IL1RAPL1: variants seen among roughly 807,000 people sequenced by gnomAD.
The protein encoded by IL1RAPL1 is interleukin-1 receptor accessory protein-like 1.
Under a neutral mutation model 48.4 loss-of-function variants are expected in IL1RAPL1, and 3 were observed. The ratio of observed to expected loss-of-function variants is 0.06; its 90% confidence interval spans 0.03 to 0.16. The LOEUF is 0.16. Among genes scored for constraint, IL1RAPL1 ranks in the 10% least tolerant of loss-of-function variants. The pLI, the probability that IL1RAPL1 is intolerant of heterozygous loss-of-function variation, is 1.00. For missense variants in IL1RAPL1, 349 were observed against 530.6 expected (o/e 0.66, Z 3.36); for synonymous variants, 185 against 187.7 (o/e 0.99, Z 0.12).
intron 2 of IL1RAPL1, among the ~76,000 whole-genome samples, chrX:29,080,994 T>TTCTTTCTCTCTCTCTC (rs1569232789): frequency 4.9e-4 from 13 of 26,427 alleles, no homozygotes; most frequent in East Asian, 1.4e-3. Flanking sequence ...CTTTCTTTCT[T>TTCTTTCTCTCTCTCTC]TCTCTCTCTC....
chrX:29,804,873 G>T (rs1048084778), intron 6 of IL1RAPL1, among the ~76,000 whole-genome samples: 12 of 111,720 alleles, frequency 1.1e-4, no homozygotes, highest in African/African-American at 3.9e-4. Flanking sequence ...GTCTCACCGA[G>T]GAACATGACC....
In IL1RAPL1 at chrX:28,782,219, T is replaced by G. The variant is rs765249641; in HGVS notation, c.-24-7101T>G. On this transcript the variant is annotated intron_variant, in intron 1 of 10. Transcript: ENST00000378993. ...ATGTGTATGTTGGAAATATGTTTGC[T>G]AATTTATATTTGACTTTTAACTTTC... 4.5e-5 allele frequency among the ~76,000 whole-genome samples: 5 copies of G among 111,828 alleles called. No individual in the cohort carries two copies. The East Asian group carries it at 1.4e-3, about 31-fold the overall frequency.
At chrX:29,169,121 C>T (rs1038581296) in intron 2 of IL1RAPL1, among the ~76,000 whole-genome samples, 4 of 108,394 alleles carry the variant, frequency 3.7e-5, no homozygotes, top group African/African-American at 1.3e-4. Context: ...CTGCAATAAA[C>T]ATGGGTGTGC....
chrX:29,803,350 T>C (rs1314781381), intron 6 of IL1RAPL1, among the ~76,000 whole-genome samples: 1 of 82,089 alleles, frequency 1.2e-5, no homozygotes, highest in Non-Finnish European at 2.3e-5. Context: ...TGTATATATG[T>C]ATACATGTAT....
chrX:28,650,997 A>T (rs911153780), intron 1 of IL1RAPL1, among the ~76,000 whole-genome samples: 1 of 112,178 alleles, frequency 8.9e-6, no homozygotes, highest in African/African-American at 3.2e-5. Context: ...ATAAGCGGAT[A>T]ATTCCATACT....
At chrX:29,012,291 C>A (rs1159155631) in intron 2 of IL1RAPL1, among the ~76,000 whole-genome samples, 2 of 112,123 alleles carry the variant, frequency 1.8e-5, no homozygotes, top group East Asian at 5.6e-4. Context: ...GCCTGTAATC[C>A]CAGCACTTTG....
intron 6 of IL1RAPL1, among the ~76,000 whole-genome samples, chrX:29,868,049 GA>G (rs1404421356): frequency 8.9e-6 from 1 of 112,165 alleles, no homozygotes; most frequent in Non-Finnish European, 1.9e-5. Flanking sequence ...GCCATGAATA[GA>G]GAGACAATTA....
At chrX:29,405,588 G>A (rs1209973087) in intron 5 of IL1RAPL1, among the ~76,000 whole-genome samples, 5 of 104,494 alleles carry the variant, frequency 4.8e-5, no homozygotes, top group Non-Finnish European at 9.6e-5. Context: ...GGATGGTCTC[G>A]ATCTCCTGAC....
At chrX:28,734,578 C>T (rs1258145426) in intron 1 of IL1RAPL1, among the ~76,000 whole-genome samples, 5 of 107,846 alleles carry the variant, frequency 4.6e-5, no homozygotes, top group African/African-American at 6.8e-5. Flanking sequence ...GTGGCTCTTC[C>T]TCTAGTTTTA....
At chrX:29,016,417 C>G (rs1379481419) in intron 2 of IL1RAPL1, among the ~76,000 whole-genome samples, 1 of 111,169 alleles carries the variant, frequency 9.0e-6, no homozygotes, top group East Asian at 2.8e-4. Flanking sequence ...ATCATATGGG[C>G]AAAAATATCA....
chrX:29,952,607 A>T (rs190508804), intron 9 of IL1RAPL1, among the ~76,000 whole-genome samples: 1 of 112,358 alleles, frequency 8.9e-6, no homozygotes, highest in African/African-American at 3.2e-5. Flanking sequence ...TTACTCAACT[A>T]AAGTGTTTAC....
intron 6 of IL1RAPL1, among the ~76,000 whole-genome samples, chrX:29,683,272 G>A (rs1345265392): frequency 8.9e-6 from 1 of 112,098 alleles, no homozygotes; most frequent in Middle Eastern, 4.6e-3. Context: ...ACAGACGACT[G>A]TCTACAAGGA....
intron 5 of IL1RAPL1, among the ~76,000 whole-genome samples, chrX:29,535,403 G>T (rs1377761235): frequency 9.0e-6 from 1 of 111,175 alleles, no homozygotes; most frequent in Admixed American, 9.5e-5. Flanking sequence ...GAAGATTTTT[G>T]TTGTCTACCC....
chrX:29,742,515 T>G (rs1928230632), intron 6 of IL1RAPL1, among the ~76,000 whole-genome samples: 1 of 109,937 alleles, frequency 9.1e-6, no homozygotes, highest in Non-Finnish European at 1.9e-5. Context: ...TGTTTTCTGC[T>G]GACTCTTTTC....
At chrX:29,641,153 A>G (rs909494713) in intron 5 of IL1RAPL1, among the ~76,000 whole-genome samples, 24 of 109,164 alleles carry the variant, frequency 2.2e-4, no homozygotes, top group Non-Finnish European at 3.8e-5. Context: ...CCTGGGCAAC[A>G]GAGTGAGACC....
intron 2 of IL1RAPL1, among the ~76,000 whole-genome samples, chrX:29,226,580 C>T (rs1165872512): frequency 3.7e-5 from 4 of 108,085 alleles, no homozygotes; most frequent in African/African-American, 1.0e-4. Flanking sequence ...TTACAGTGCC[C>T]GCCACCACAT....
chrX:28,626,077 G>A (rs777717975), intron 1 of IL1RAPL1, among the ~76,000 whole-genome samples: 1 of 111,829 alleles, frequency 8.9e-6, no homozygotes, highest in East Asian at 2.8e-4. Flanking sequence ...AGAGTTGGGA[G>A]ACTCACTGTC....
At chrX:28,798,244 T>C (rs1366407179) in intron 2 of IL1RAPL1, among the ~76,000 whole-genome samples, 1 of 111,880 alleles carries the variant, frequency 8.9e-6, no homozygotes, top group East Asian at 2.8e-4. Flanking sequence ...GATTAACCCC[T>C]GATCCACTGG....
At chrX:29,545,178 CCTATCTAT>C (rs74314245) in intron 5 of IL1RAPL1, among the ~76,000 whole-genome samples, 20,420 of 91,601 alleles carry the variant, frequency 0.22, 2,028 homozygotes, top group East Asian at 0.25. Flanking sequence ...GAAAACTAAT[CCTATCTAT>C]CTATCTATCT....
Sources: gnomAD v4.1 joint callset for allele counts (sites outside exome capture counted in the v4.1 genomes callset) on GRCh38, gnomAD v4.1.1 for gene constraint, MANE v1.5 for transcripts, NCBI Gene and HGNC (gene_info 2026-07-23, HGNC 2026-07-21) for gene names.